CSTPP1: variants seen among roughly 807,000 people sequenced by gnomAD.
CSTPP1 encodes UPF0705 protein C11orf49.
the CSTPP1 span, among the ~76,000 whole-genome samples, chr11:47,033,879 A>C: frequency 1.3e-5 from 2 of 152,124 alleles, no homozygotes; most frequent in African/African-American, 4.8e-5. Flanking sequence ...TTTGGGGGCA[A>C]GTATTACAGA....
chr11:47,007,762 G>C, the CSTPP1 span, among the ~76,000 whole-genome samples: 1 of 152,066 alleles, frequency 6.6e-6, no homozygotes, highest in Non-Finnish European at 1.5e-5. Context: ...TCTTTCTTCG[G>C]AGGGGATTTA....
chr11:46,940,613 A>G, the CSTPP1 span, among the ~76,000 whole-genome samples: 1 of 152,196 alleles, frequency 6.6e-6, no homozygotes, highest in South Asian at 2.1e-4. Flanking sequence ...ACCAAGTTTA[A>G]GGGCTGATTG....
At chr11:47,029,101 TC>T in the CSTPP1 span, among the ~76,000 whole-genome samples, 2 of 151,808 alleles carry the variant, frequency 1.3e-5, no homozygotes, top group Non-Finnish European at 2.9e-5. Flanking sequence ...TGCCTCGGGC[TC>T]CCAAAATGCT....
the CSTPP1 span, among the ~76,000 whole-genome samples, chr11:47,006,792 A>G: frequency 1.4e-5 from 2 of 141,824 alleles, no homozygotes; most frequent in Non-Finnish European, 3.1e-5. Context: ...GGGTCTTGCC[A>G]TCTTGCCCAG....
the CSTPP1 span, among the ~76,000 whole-genome samples, chr11:47,089,382 T>A: frequency 6.6e-6 from 1 of 152,150 alleles, no homozygotes. Flanking sequence ...TGTCTAATGT[T>A]CATTGGAAAC....
At chr11:47,117,883 T>C in the CSTPP1 span, among the ~76,000 whole-genome samples, 1,763 of 137,926 alleles carry the variant, frequency 0.013, 23 homozygotes, top group African/African-American at 0.045. Flanking sequence ...TTTTCTTTTT[T>C]TTTTTTTTTT....
chr11:47,108,233 C>T, the CSTPP1 span, among the ~76,000 whole-genome samples: 1 of 152,246 alleles, frequency 6.6e-6, no homozygotes, highest in Non-Finnish European at 1.5e-5. Flanking sequence ...ACTCTAGAAT[C>T]TGTCTGGCAT....
chr11:47,144,786 A>T, the CSTPP1 span, among the ~76,000 whole-genome samples: 6 of 152,196 alleles, frequency 3.9e-5, no homozygotes, highest in African/African-American at 1.2e-4. Flanking sequence ...GATTTAAAGC[A>T]CTGGTTCTCA....
At chr11:46,962,274 A>G in the CSTPP1 span, among the ~76,000 whole-genome samples, 1 of 152,218 alleles carries the variant, frequency 6.6e-6, no homozygotes, top group Admixed American at 6.5e-5. Flanking sequence ...ATAGACTCTC[A>G]ATTATATTTC....
At chr11:46,997,403 C>T in the CSTPP1 span, among the ~76,000 whole-genome samples, 6 of 152,160 alleles carry the variant, frequency 3.9e-5, no homozygotes, top group Non-Finnish European at 5.9e-5. Flanking sequence ...TTTTCAGCTC[C>T]ATCAGGTCAT....
the CSTPP1 span, among the ~76,000 whole-genome samples, chr11:46,993,845 T>C: frequency 1.3e-5 from 2 of 152,224 alleles, no homozygotes; most frequent in African/African-American, 4.8e-5. Context: ...GGGATGGCAT[T>C]GAATCTATAA....
the CSTPP1 span, among the ~76,000 whole-genome samples, chr11:47,024,350 GC>G: frequency 6.6e-6 from 1 of 150,994 alleles, no homozygotes; most frequent in Non-Finnish European, 1.5e-5. Flanking sequence ...ACAAGTGTGA[GC>G]CACTTCACCC....
chr11:46,956,161 G>A, the CSTPP1 span, among the ~76,000 whole-genome samples: 1 of 152,098 alleles, frequency 6.6e-6, no homozygotes, highest in Non-Finnish European at 1.5e-5. Flanking sequence ...GTTTTCTTTT[G>A]GGGGTGAACA....
At chr11:47,090,155 G>C in the CSTPP1 span, among the ~76,000 whole-genome samples, 1 of 151,952 alleles carries the variant, frequency 6.6e-6, no homozygotes, top group East Asian at 1.9e-4. Flanking sequence ...CTAATTTTTT[G>C]TGTGTTTTTA....
the CSTPP1 span, among the ~76,000 whole-genome samples, chr11:47,046,208 A>C: frequency 3.0e-4 from 45 of 152,178 alleles, no homozygotes; most frequent in South Asian, 5.6e-3. Flanking sequence ...CCAAATTGGA[A>C]AGTAAAAGGT....
the CSTPP1 span, among the ~76,000 whole-genome samples, chr11:47,074,375 C>T: frequency 6.6e-6 from 1 of 152,048 alleles, no homozygotes; most frequent in Middle Eastern, 3.4e-3. Flanking sequence ...GTGGCTCACG[C>T]CTCTGGCCCA....
At chr11:47,135,723 C>A in the CSTPP1 span, among the ~76,000 whole-genome samples, 4 of 152,208 alleles carry the variant, frequency 2.6e-5, no homozygotes, top group Non-Finnish European at 2.9e-5. Context: ...TATCTGACTA[C>A]TGTCCTCACT....
the CSTPP1 span, chr11:47,156,899 T>C: frequency 3.2e-6 from 3 of 923,134 alleles, no homozygotes; most frequent in Non-Finnish European, 4.8e-6. Flanking sequence ...CAGGACACCA[T>C]GCCCTGAGCA....
chr11:46,951,295 CTTT>C, the CSTPP1 span, among the ~76,000 whole-genome samples: 10 of 127,636 alleles, frequency 7.8e-5, no homozygotes, highest in African/African-American at 1.6e-4. Context: ...TCCTTAGACT[CTTT>C]TTTTTTTTTT....
Sources: gnomAD v4.1 joint callset for allele counts (sites outside exome capture counted in the v4.1 genomes callset) on GRCh38, gnomAD v4.1.1 for gene constraint, MANE v1.5 for transcripts, NCBI Gene and HGNC (gene_info 2026-07-23, HGNC 2026-07-21) for gene names.